Variants in DPP10 observed in about 807,000 individuals in gnomAD.
DPP10 encodes dipeptidyl peptidase like 10, also known as inactive dipeptidyl peptidase 10.
Under a neutral mutation model 120.9 loss-of-function variants are expected in DPP10, and 33 were observed. The ratio of observed to expected loss-of-function variants is 0.27; its 90% CI spans 0.21 to 0.37. The LOEUF is 0.37. Among genes scored for constraint, DPP10 ranks in the 10% least tolerant of loss-of-function variants. DPP10 has a pLI of 1.00. For synonymous variants in DPP10, 337 were observed against 326.1 expected (o/e 1.03, Z -0.36); for missense variants, 816 against 942.8 (o/e 0.87, Z 1.76).
intron 1 of DPP10, among the ~76,000 whole-genome samples, chr2:114,813,097 A>G (rs1263144302): frequency 6.6e-6 from 1 of 152,212 alleles, no homozygotes; most frequent in African/African-American, 2.4e-5. Flanking sequence ...TACTACATTT[A>G]TCATAATAAC....
chr2:114,458,305 T>C (rs936303603), intron 1 of DPP10, among the ~76,000 whole-genome samples: 7 of 152,192 alleles, frequency 4.6e-5, no homozygotes, highest in Admixed American at 4.6e-4. Flanking sequence ...CTTCTCACTC[T>C]ACCCTTTTTC....
chr2:114,767,641 A>G (rs889512892), intron 1 of DPP10, among the ~76,000 whole-genome samples: 1 of 152,190 alleles, frequency 6.6e-6, no homozygotes, highest in Non-Finnish European at 1.5e-5. Flanking sequence ...CATAATTTCC[A>G]TGAGGTTCTT....
intron 1 of DPP10, among the ~76,000 whole-genome samples, chr2:114,490,479 GGCCCTT>G: frequency 7.2e-6 from 1 of 138,718 alleles, no homozygotes; most frequent in East Asian, 2.2e-4. Context: ...GCAGGTAAAG[GGCCCTT>G]GAGAGGGCTC....
intron 1 of DPP10, among the ~76,000 whole-genome samples, chr2:114,622,609 G>T (rs1436055472): frequency 6.6e-6 from 1 of 151,954 alleles, no homozygotes; most frequent in Admixed American, 6.6e-5. Context: ...CAACTCTAGG[G>T]GTGAACAATC....
intron 1 of DPP10, among the ~76,000 whole-genome samples, chr2:114,501,539 A>G (rs911684693): frequency 2.0e-5 from 3 of 152,192 alleles, no homozygotes; most frequent in Non-Finnish European, 4.4e-5. Context: ...ACCTTTATCA[A>G]GCGATCTCCT....
intron 1 of DPP10, among the ~76,000 whole-genome samples, chr2:114,787,744 G>C (rs534704203): frequency 6.6e-6 from 1 of 152,316 alleles, no homozygotes; most frequent in South Asian, 2.1e-4. Flanking sequence ...CAATTCCTCT[G>C]AAGTGTCTGG....
At chr2:115,297,667 G>C (rs1490884431) in intron 1 of DPP10, among the ~76,000 whole-genome samples, 1 of 151,970 alleles carries the variant, frequency 6.6e-6, no homozygotes, top group Non-Finnish European at 1.5e-5. Context: ...AGTCTAGTCT[G>C]TTAACTAGAA....
At chr2:115,417,111 A>G (rs1321793548) in intron 3 of DPP10, among the ~76,000 whole-genome samples, 2 of 152,168 alleles carry the variant, frequency 1.3e-5, no homozygotes, top group Non-Finnish European at 2.9e-5. Context: ...TTCATGAAGA[A>G]TGGATGTTAG....
chr2:114,524,608 G>T (rs1430103), intron 1 of DPP10, among the ~76,000 whole-genome samples: 1 of 152,106 alleles, frequency 6.6e-6, no homozygotes, highest in African/African-American at 2.4e-5. Context: ...AGGCATAGCC[G>T]TAGCTCTCAA....
chr2:115,042,737 C>T (rs1704758742), intron 1 of DPP10, among the ~76,000 whole-genome samples: 1 of 152,202 alleles, frequency 6.6e-6, no homozygotes, highest in Non-Finnish European at 1.5e-5. Context: ...TCTCCTCAAG[C>T]CATCTTGATC....
At chr2:115,578,335 T>A (rs1052118216) in intron 5 of DPP10, among the ~76,000 whole-genome samples, 1 of 152,152 alleles carries the variant, frequency 6.6e-6, no homozygotes, top group Non-Finnish European at 1.5e-5. Context: ...ACTCTAAATT[T>A]CCTTCTGGGA....
At chr2:115,092,459 T>C (rs1709343868) in intron 1 of DPP10, among the ~76,000 whole-genome samples, 1 of 152,172 alleles carries the variant, frequency 6.6e-6, no homozygotes, top group African/African-American at 2.4e-5. Flanking sequence ...TTAACACTTA[T>C]TTTTAATATA....
intron 1 of DPP10, among the ~76,000 whole-genome samples, chr2:114,997,420 AG>A (rs1701162151): frequency 6.6e-6 from 1 of 151,726 alleles, no homozygotes; most frequent in Non-Finnish European, 1.5e-5. Context: ...TGAACCCAGG[AG>A]GCGGAGGTTG....
intron 1 of DPP10, among the ~76,000 whole-genome samples, chr2:115,186,569 C>G (rs7587771): frequency 0.78 from 119,401 of 152,182 alleles, 47,064 homozygotes; most frequent in East Asian, 0.89. Flanking sequence ...ATGTGAACAG[C>G]AGATAGGACG....
At chr2:115,038,240 A>ATATT (rs1003115337) in intron 1 of DPP10, among the ~76,000 whole-genome samples, 5 of 151,192 alleles carry the variant, frequency 3.3e-5, no homozygotes, top group Non-Finnish European at 5.9e-5. Context: ...TACTCAGCAA[A>ATATT]TATTTATTTA....
chr2:114,546,537 C>T (rs1254582039), intron 1 of DPP10, among the ~76,000 whole-genome samples: 1 of 152,188 alleles, frequency 6.6e-6, no homozygotes, highest in Non-Finnish European at 1.5e-5. Context: ...CAGCCAAACA[C>T]CCTCGCTGGT....
At chr2:115,418,127 A>T (rs527663103) in intron 3 of DPP10, among the ~76,000 whole-genome samples, 17 of 152,282 alleles carry the variant, frequency 1.1e-4, no homozygotes, top group South Asian at 4.1e-4. Context: ...GGTAGAGTTG[A>T]GAGCATTTCT....
chr2:115,367,344 A>G (rs949699127), intron 3 of DPP10, among the ~76,000 whole-genome samples: 4 of 152,008 alleles, frequency 2.6e-5, no homozygotes, highest in African/African-American at 7.2e-5. Flanking sequence ...TAGAAAATAT[A>G]TAGGTCACGG....
rs2091758509 is a variant in DPP10 at position 115,699,046 on chromosome 2, A to AAAAAAAAAAAAAAAAG, written c.576+9128_576+9129insAAAAAAAAAAAAGAAA. Among the ~76,000 whole-genome samples the AAAAAAAAAAAAAAAAG allele has an allele frequency of 1.4e-5, 2 of 145,792 alleles. 1 individual carries two copies. Among genetic ancestry groups the AAAAAAAAAAAAAAAAG allele is most frequent in the Non-Finnish European group, 3.0e-5 (2 of 65,666 alleles). On this transcript the variant is annotated intron_variant, in intron 7 of 25. Coordinates refer to ENST00000410059, the MANE Select transcript of DPP10 (RefSeq NM_020868.6). ...TGAAAAAAAAAAAAACAAAAAAAAA[A>AAAAAAAAAAAAAAAAG]AAACAAGAGAAGACTCAAATTCCTA... is the stretch of plus-strand genomic sequence containing the variant.
Sources: gnomAD v4.1 joint callset for allele counts (sites outside exome capture counted in the v4.1 genomes callset) on GRCh38, gnomAD v4.1.1 for gene constraint, MANE v1.5 for transcripts, NCBI Gene and HGNC (gene_info 2026-07-23, HGNC 2026-07-21) for gene names.